Variants in CTNNA2 observed in about 807,000 individuals in gnomAD.
CTNNA2 encodes catenin alpha-2.
A neutral mutation model predicts 101.0 loss-of-function variants in CTNNA2; 42 were observed. That is an observed-to-expected ratio of 0.42 (90% CI 0.32 to 0.54). The LOEUF (loss-of-function observed/expected upper bound fraction) is 0.54. CTNNA2 is among the 20% of genes least tolerant of loss of function. The pLI is 0.14. For synonymous variants in CTNNA2, 450 were observed against 456.4 expected (o/e 0.99, Z 0.18); for missense variants, 871 against 1,223.1 (o/e 0.71, Z 4.29).
chr2:80,542,420 A>G (rs1036423882), intron 9 of CTNNA2, among the ~76,000 whole-genome samples: 12 of 151,994 alleles, frequency 7.9e-5, no homozygotes, highest in African/African-American at 2.9e-4. Context: ...TTGATCCTAA[A>G]TGGCTGACCT....
chr2:80,047,381 A>G (rs1383743177), intron 7 of CTNNA2, among the ~76,000 whole-genome samples: 1 of 152,182 alleles, frequency 6.6e-6, no homozygotes, highest in Non-Finnish European at 1.5e-5. Flanking sequence ...TATGACACTA[A>G]GTACTATAGG....
At chr2:79,320,496 C>T (rs1431938619) in intron 3 of CTNNA2, among the ~76,000 whole-genome samples, 1 of 151,988 alleles carries the variant, frequency 6.6e-6, no homozygotes, top group Non-Finnish European at 1.5e-5. Flanking sequence ...TGATGTTGCT[C>T]TAAAAAAAAT....
chr2:79,366,172 A>G (rs1434173), intron 3 of CTNNA2, among the ~76,000 whole-genome samples: 16,194 of 152,254 alleles, frequency 0.11, 1,117 homozygotes, highest in East Asian at 0.35. Flanking sequence ...CTTCCCTTTG[A>G]TAATGAAACA....
At chr2:79,909,153 C>A (rs1184625371) in intron 6 of CTNNA2, among the ~76,000 whole-genome samples, 1 of 121,710 alleles carries the variant, frequency 8.2e-6, no homozygotes, top group Non-Finnish European at 1.7e-5. Context: ...ATCTGCTTCT[C>A]ATGAGGAGGA....
At chr2:80,307,923 A>T (rs1422352250) in intron 7 of CTNNA2, among the ~76,000 whole-genome samples, 3 of 152,272 alleles carry the variant, frequency 2.0e-5, no homozygotes, top group Non-Finnish European at 4.4e-5. Flanking sequence ...AGTCTGGGTT[A>T]TATGAGTTAT....
In CTNNA2 at chr2:79,196,221, C is replaced by T. The variant is rs150879382; in HGVS notation, c.-523-1738C>T. Among the ~76,000 whole-genome samples, 676 of 152,222 alleles carry T rather than the reference C, an allele frequency of 4.4e-3. 7 individuals carry two copies. The highest frequency in any genetic ancestry group is 0.015 in the African/African-American group (642 of 41,542). On this transcript the variant is annotated intron_variant, in intron 1 of 21. Transcript: ENST00000466387. ...TGCTGGGATTATAGGCATAAGCCAC[C>T]GCACCCAGCCTGAAGTCAGTTTTAA...
chr2:80,467,494 G>T (rs1295160009), intron 9 of CTNNA2, among the ~76,000 whole-genome samples: 1 of 152,108 alleles, frequency 6.6e-6, no homozygotes, highest in Non-Finnish European at 1.5e-5. Flanking sequence ...AATAAAAGTT[G>T]CAAAAAACCC....
chr2:80,182,740 G>A (rs891759352), intron 7 of CTNNA2, among the ~76,000 whole-genome samples: 2 of 152,182 alleles, frequency 1.3e-5, no homozygotes, highest in Admixed American at 6.5e-5. Flanking sequence ...GGATTTTTAT[G>A]GCGAAAAAGC....
intron 2 of CTNNA2, among the ~76,000 whole-genome samples, chr2:79,276,023 A>G (rs1675203286): frequency 6.6e-6 from 1 of 152,080 alleles, no homozygotes; most frequent in Non-Finnish European, 1.5e-5. Flanking sequence ...ATAAAGACCT[A>G]AAGGAGGTGA....
chr2:80,600,546 T>G (rs1462355326), intron 15 of CTNNA2, among the ~76,000 whole-genome samples: 1 of 151,788 alleles, frequency 6.6e-6, no homozygotes, highest in African/African-American at 2.4e-5. Context: ...AAAAGACAAC[T>G]CAGAGAAAAT....
intron 7 of CTNNA2, among the ~76,000 whole-genome samples, chr2:80,244,829 A>G (rs1265312512): frequency 4.6e-5 from 7 of 152,114 alleles, no homozygotes; most frequent in Non-Finnish European, 8.8e-5. Flanking sequence ...GCTCAGAGAG[A>G]AATATTGTGA....
chr2:79,803,716 G>C (rs984550687), intron 3 of CTNNA2, among the ~76,000 whole-genome samples: 1 of 152,254 alleles, frequency 6.6e-6, no homozygotes, highest in Admixed American at 6.5e-5. Context: ...TTTATGGCCA[G>C]ATTTTGGGGG....
intron 2 of CTNNA2, among the ~76,000 whole-genome samples, chr2:79,257,586 GA>G (rs958681623): frequency 4.7e-5 from 7 of 149,776 alleles, no homozygotes; most frequent in African/African-American, 1.2e-4. Context: ...ATAGGAAAAA[GA>G]AAAAAAAGAA....
In CTNNA2 at chr2:79,872,170, C is replaced by A. The variant is rs936240082; in HGVS notation, c.586-1906C>A. Among the ~76,000 whole-genome samples, 3 of 152,114 alleles carry A rather than the reference C, an allele frequency of 2.0e-5. No individual in the cohort carries two copies. In the East Asian group the frequency reaches 5.8e-4, roughly 29 times the overall value. ...TTTAATTTATCTTATAAATATTATT[C>A]ATGTTATTAATTTTTGGAAAACTAA... On this transcript the variant is annotated intron_variant, in intron 5 of 18. Transcript: ENST00000402739.
intron 2 of CTNNA2, among the ~76,000 whole-genome samples, chr2:79,288,256 C>G: frequency 6.6e-6 from 1 of 152,216 alleles, no homozygotes; most frequent in East Asian, 1.9e-4. Context: ...TCCTATTCGG[C>G]CATCTTGGCT....
chr2:80,506,520 G>T (rs1688292848), intron 9 of CTNNA2, among the ~76,000 whole-genome samples: 3 of 152,130 alleles, frequency 2.0e-5, no homozygotes, highest in Admixed American at 1.3e-4. Context: ...GCAATTTAAA[G>T]GAATTTAAAT....
Position 80,474,787 on chromosome 2 carries a change from A to C in CTNNA2, c.1290+55186A>C, listed in dbSNP as rs533001755. Among the ~76,000 whole-genome samples, 42 of 152,286 alleles carry C rather than the reference A, an allele frequency of 2.8e-4. No homozygotes were observed. The South Asian group carries it at 8.1e-3, about 29-fold the overall frequency. ...AGTGTTGACAGGAAATTAAATTTGC[A>C]AACAGAAATAAAACCGTGGTAGAAT... On this transcript the variant is annotated intron_variant, in intron 9 of 18. Coordinates refer to ENST00000402739, the MANE Select transcript of CTNNA2 (RefSeq NM_001282597.3).
At chr2:80,053,704 A>G (rs919154837) in intron 7 of CTNNA2, among the ~76,000 whole-genome samples, 1 of 152,170 alleles carries the variant, frequency 6.6e-6, no homozygotes, top group African/African-American at 2.4e-5. Flanking sequence ...TTCCACACTT[A>G]CAACCTCCCT....
At chr2:79,956,843 G>GTTTTTTTTTTTTTTTTTTTTTT (rs66471325) in intron 7 of CTNNA2, among the ~76,000 whole-genome samples, 3 of 98,936 alleles carry the variant, frequency 3.0e-5, no homozygotes, top group African/African-American at 1.4e-4. Context: ...ATACGTGTGG[G>GTTTTTTTTTTTTTTTTTTTTTT]TTTTTTTTTT....
Sources: gnomAD v4.1 joint callset for allele counts (sites outside exome capture counted in the v4.1 genomes callset) on GRCh38, gnomAD v4.1.1 for gene constraint, MANE v1.5 for transcripts, NCBI Gene and HGNC (gene_info 2026-07-23, HGNC 2026-07-21) for gene names.